The following CSMD3 variants were observed in gnomAD, a reference collection of about 807,000 sequenced individuals.
CSMD3 encodes the protein CUB and Sushi multiple domains 3.
Under a neutral mutation model 435.2 loss-of-function variants are expected in CSMD3, and 177 were observed. The observed-to-expected ratio is 0.41, with a 90% CI of 0.36 to 0.46. The LOEUF (loss-of-function observed/expected upper bound fraction) is 0.46. CSMD3 is among the 20% of genes least tolerant of loss of function. The pLI is 0.34. For synonymous variants in CSMD3, 1,656 were observed against 1,520.5 expected (o/e 1.09, Z -2.07); for missense variants, 4,265 against 4,504.6 (o/e 0.95, Z 1.52).
intron 6 of CSMD3, chr8:113,018,805 A>G (rs1363730906): frequency 2.2e-6 from 1 of 446,204 alleles, no homozygotes; most frequent in Non-Finnish European, 4.0e-6. Context: ...CACTTTATTA[A>G]AGAAAAATAT....
chr8:112,950,694 A>T (rs2083776181), intron 8 of CSMD3, among the ~76,000 whole-genome samples: 1 of 151,864 alleles, frequency 6.6e-6, no homozygotes, highest in African/African-American at 2.4e-5. Context: ...AGTCATGGAG[A>T]GGTTAAGAAA....
chr8:112,865,262 C>A (rs1231384050), intron 10 of CSMD3, among the ~76,000 whole-genome samples: 1 of 152,066 alleles, frequency 6.6e-6, no homozygotes, highest in East Asian at 1.9e-4. Context: ...GTAAGACAGG[C>A]TGACATTTTA....
chr8:112,933,193 A>G (rs565905631), intron 9 of CSMD3, among the ~76,000 whole-genome samples: 2 of 152,238 alleles, frequency 1.3e-5, no homozygotes, highest in Non-Finnish European at 2.9e-5. Context: ...ACAAATAGAT[A>G]GCTGTATAAG....
intron 10 of CSMD3, among the ~76,000 whole-genome samples, chr8:112,878,924 C>T (rs570078383): frequency 8.5e-5 from 13 of 152,200 alleles, no homozygotes; most frequent in Admixed American, 5.9e-4. Flanking sequence ...CCGTTATCTT[C>T]GTAAGCTGAG....
At chr8:113,043,675 G>A (rs74610342) in intron 5 of CSMD3, among the ~76,000 whole-genome samples, 1,567 of 152,160 alleles carry the variant, frequency 0.01, 21 homozygotes, top group African/African-American at 0.036. Flanking sequence ...GCAAGAATAA[G>A]AATATAGTGA....
intron 5 of CSMD3, among the ~76,000 whole-genome samples, chr8:113,097,110 A>G (rs1278650081): frequency 6.6e-6 from 1 of 152,138 alleles, no homozygotes; most frequent in East Asian, 1.9e-4. Flanking sequence ...CTTAATTCTG[A>G]TATTATGGCA....
At chr8:113,074,673 GCTTT>G (rs2089268020) in intron 5 of CSMD3, among the ~76,000 whole-genome samples, 1 of 151,798 alleles carries the variant, frequency 6.6e-6, no homozygotes, top group Non-Finnish European at 1.5e-5. Context: ...ACTCTTTATA[GCTTT>G]ATTTACTTTA....
chr8:112,298,100 A>AC (rs1820520980), intron 53 of CSMD3, among the ~76,000 whole-genome samples: 4 of 147,528 alleles, frequency 2.7e-5, no homozygotes, highest in Non-Finnish European at 6.0e-5. Context: ...ATAAGTAAAG[A>AC]CCCAAACAAA....
chr8:112,791,625 A>G (rs2078695105), intron 13 of CSMD3, among the ~76,000 whole-genome samples: 2 of 151,932 alleles, frequency 1.3e-5, no homozygotes, highest in African/African-American at 4.8e-5. Flanking sequence ...TTTGTTATAT[A>G]CTCACCTATA....
chr8:112,975,340 A>T (rs2084805678), intron 7 of CSMD3, among the ~76,000 whole-genome samples: 1 of 152,264 alleles, frequency 6.6e-6, no homozygotes, highest in South Asian at 2.1e-4. Flanking sequence ...CACCAGATAT[A>T]ATGTTTCTAT....
At chr8:112,442,133 G>A (rs897571373) in intron 32 of CSMD3, among the ~76,000 whole-genome samples, 6 of 152,152 alleles carry the variant, frequency 3.9e-5, no homozygotes, top group African/African-American at 1.4e-4. Flanking sequence ...GCAAGAGAAG[G>A]AGCAAGAGAG....
At chr8:113,377,129 G>C (rs2094390496) in intron 1 of CSMD3, 1 of 1,258,224 alleles carries the variant, frequency 7.9e-7, no homozygotes, top group Non-Finnish European at 1.0e-6. Flanking sequence ...CGGCTCTCCG[G>C]TCCTCCAAAG....
intron 2 of CSMD3, among the ~76,000 whole-genome samples, chr8:113,292,465 A>G (rs182069567): frequency 1.5e-3 from 234 of 152,028 alleles, no homozygotes; most frequent in African/African-American, 5.5e-3. Flanking sequence ...ACTGATGTGC[A>G]TATTTGGAAA....
intron 15 of CSMD3, among the ~76,000 whole-genome samples, chr8:112,684,469 T>A (rs2075969170): frequency 6.6e-6 from 1 of 152,060 alleles, no homozygotes; most frequent in South Asian, 2.1e-4. Context: ...AACTAAATCC[T>A]TTTATTATGT....
intron 31 of CSMD3, among the ~76,000 whole-genome samples, chr8:112,474,246 C>A (rs988875504): frequency 5.3e-5 from 8 of 152,032 alleles, no homozygotes; most frequent in African/African-American, 1.7e-4. Flanking sequence ...CAGCAAAGCC[C>A]AAAATAGTAT....
intron 24 of CSMD3, among the ~76,000 whole-genome samples, chr8:112,561,088 A>G (rs1828581529): frequency 6.6e-6 from 1 of 151,740 alleles, no homozygotes; most frequent in Admixed American, 6.6e-5. Context: ...GGACAATAGT[A>G]TATAAGCTAC....
intron 47 of CSMD3, 101 bp from the exon 48 acceptor site, chr8:112,314,718 T>C: frequency 1.3e-6 from 1 of 788,498 alleles, no homozygotes; most frequent in Non-Finnish European, 2.2e-6. Flanking sequence ...TCAATAGCTA[T>C]AAGGATGATA....
chr8:112,757,386 G>GTA lies in CSMD3; in HGVS notation c.1972+42774_1972+42775dup, dbSNP rs1351641695. On this transcript the variant is annotated intron_variant, in intron 13 of 70. Coordinates refer to ENST00000297405, the MANE Select transcript of CSMD3 (RefSeq NM_198123.2). ...GTTATATGTGCATATATATTTAGAT[G>GTA]TATATATATACATATATGTAATATT... Among the ~76,000 whole-genome samples the GTA allele has an allele frequency of 3.9e-5, 6 of 151,944 alleles. No homozygotes were observed. In the South Asian group the frequency reaches 6.2e-4, roughly 16 times the overall value.
intron 13 of CSMD3, among the ~76,000 whole-genome samples, chr8:112,745,383 A>T (rs1016067035): frequency 6.6e-6 from 1 of 152,122 alleles, no homozygotes; most frequent in African/African-American, 2.4e-5. Context: ...TTATAAAAAT[A>T]ATGCAAAATA....
Sources: gnomAD v4.1 joint callset for allele counts (sites outside exome capture counted in the v4.1 genomes callset) on GRCh38, gnomAD v4.1.1 for gene constraint, MANE v1.5 for transcripts, NCBI Gene and HGNC (gene_info 2026-07-23, HGNC 2026-07-21) for gene names.